The following SLC24A2 variants were observed in gnomAD, a reference collection of about 807,000 sequenced individuals.
SLC24A2 encodes the protein sodium/potassium/calcium exchanger 2.
Under a neutral mutation model 62.0 loss-of-function variants are expected in SLC24A2, and 36 were observed. The observed-to-expected ratio is 0.58, with a 90% confidence interval of 0.44 to 0.77. The LOEUF is 0.77. SLC24A2 is among the 30% of genes least tolerant of loss of function. The pLI, the probability that SLC24A2 is intolerant of heterozygous loss-of-function variation, is 0.00. For missense variants in SLC24A2, 846 were observed against 817.9 expected, an observed-to-expected ratio of 1.03 and a Z score of -0.42; for synonymous variants, 358 against 294.0, an observed-to-expected ratio of 1.22 and a Z score of -2.23.
At chr9:20,017,790 C>G in the SLC24A2 span, among the ~76,000 whole-genome samples, 1 of 152,184 alleles carries the variant, frequency 6.6e-6, no homozygotes, top group Non-Finnish European at 1.5e-5. Flanking sequence ...GACTCAGCAA[C>G]TCTGCTCTTT....
chr9:19,622,515 T>C (rs1397186072), intron 2 of SLC24A2, among the ~76,000 whole-genome samples: 2 of 152,068 alleles, frequency 1.3e-5, no homozygotes, highest in Admixed American at 1.3e-4. Context: ...TCCTGAAAGG[T>C]CAAAGTTGAA....
the SLC24A2 span, among the ~76,000 whole-genome samples, chr9:20,124,487 G>A: frequency 6.6e-5 from 10 of 152,228 alleles, no homozygotes; most frequent in South Asian, 6.2e-4. Context: ...AGTTTCCACC[G>A]TCAAAGCCAA....
chr9:20,279,700 G>A, the SLC24A2 span, among the ~76,000 whole-genome samples: 7 of 152,156 alleles, frequency 4.6e-5, no homozygotes, highest in African/African-American at 1.7e-4. Context: ...CATTCTTACT[G>A]TCTTGTGTAA....
intron 2 of SLC24A2, among the ~76,000 whole-genome samples, chr9:19,706,998 T>C (rs1249555988): frequency 1.3e-5 from 2 of 151,728 alleles, no homozygotes; most frequent in Non-Finnish European, 2.9e-5. Context: ...ACAAAATTGA[T>C]AGACCGCTAG....
At chr9:19,946,270 G>T in the SLC24A2 span, among the ~76,000 whole-genome samples, 3 of 152,056 alleles carry the variant, frequency 2.0e-5, no homozygotes, top group Non-Finnish European at 4.4e-5. Context: ...GCCTGACACG[G>T]GCACATTTTT....
the SLC24A2 span, among the ~76,000 whole-genome samples, chr9:19,837,741 T>A: frequency 3.9e-4 from 59 of 151,996 alleles, no homozygotes; most frequent in African/African-American, 1.4e-3. Context: ...AAAATCAATG[T>A]GCAAAAATCA....
the SLC24A2 span, among the ~76,000 whole-genome samples, chr9:20,115,170 G>A: frequency 2.6e-5 from 4 of 152,062 alleles, no homozygotes; most frequent in South Asian, 2.1e-4. Flanking sequence ...AAGGTGAGGG[G>A]CAGAATTGCA....
chr9:19,816,576 G>T, the SLC24A2 span, among the ~76,000 whole-genome samples: 1 of 152,096 alleles, frequency 6.6e-6, no homozygotes, highest in Non-Finnish European at 1.5e-5. Flanking sequence ...TATAAGAAAA[G>T]AGGTTTAATT....
intron 5 of SLC24A2, among the ~76,000 whole-genome samples, chr9:19,582,164 T>C (rs1041214898): frequency 1.3e-5 from 2 of 152,186 alleles, no homozygotes; most frequent in African/African-American, 4.8e-5. Context: ...AAGAGCTGAA[T>C]GTGAATTTCG....
chr9:20,249,186 T>C, the SLC24A2 span, among the ~76,000 whole-genome samples: 2 of 152,184 alleles, frequency 1.3e-5, no homozygotes, highest in African/African-American at 4.8e-5. Flanking sequence ...ATAACTAACC[T>C]GGTTGCCTCA....
chr9:20,056,693 T>A, the SLC24A2 span, among the ~76,000 whole-genome samples: 1 of 152,204 alleles, frequency 6.6e-6, no homozygotes, highest in African/African-American at 2.4e-5. Flanking sequence ...CAAGGGCATA[T>A]GACCTGATCT....
At chr9:20,064,385 T>C in the SLC24A2 span, among the ~76,000 whole-genome samples, 3 of 152,196 alleles carry the variant, frequency 2.0e-5, no homozygotes, top group African/African-American at 7.2e-5. Flanking sequence ...ATGGAAATGT[T>C]CTAAAATCAG....
At chr9:19,721,909 T>C (rs778785477) in intron 2 of SLC24A2, among the ~76,000 whole-genome samples, 2 of 152,168 alleles carry the variant, frequency 1.3e-5, no homozygotes, top group Non-Finnish European at 2.9e-5. Flanking sequence ...GTTCATTGCT[T>C]TTTTTCAGAT....
chr9:19,991,911 G>A, the SLC24A2 span, among the ~76,000 whole-genome samples: 1 of 152,130 alleles, frequency 6.6e-6, no homozygotes, highest in African/African-American at 2.4e-5. Context: ...AGACCCTAGA[G>A]ACATTTCCCA....
chr9:19,529,081 C>T (rs1833571223), intron 8 of SLC24A2, among the ~76,000 whole-genome samples: 1 of 152,186 alleles, frequency 6.6e-6, no homozygotes, highest in Non-Finnish European at 1.5e-5. Flanking sequence ...TAAAAACACA[C>T]TCAGACAGCA....
chr9:19,883,218 A>C, the SLC24A2 span, among the ~76,000 whole-genome samples: 2 of 152,222 alleles, frequency 1.3e-5, no homozygotes, highest in Non-Finnish European at 2.9e-5. Context: ...TTTCTTAGAT[A>C]TTGCGATGTG....
chr9:19,815,720 G>T, the SLC24A2 span, among the ~76,000 whole-genome samples: 16 of 152,142 alleles, frequency 1.1e-4, no homozygotes, highest in East Asian at 3.1e-3. Context: ...CATATATATG[G>T]TTGTTAAGTT....
chr9:20,187,402 C>CCG, the SLC24A2 span, among the ~76,000 whole-genome samples: 1 of 152,192 alleles, frequency 6.6e-6, no homozygotes, highest in African/African-American at 2.4e-5. Flanking sequence ...TCCTGACCCC[C>CCG]CGTTGCTTAC....
chr9:19,518,125 C>T (rs1833024444), intron 10 of SLC24A2, among the ~76,000 whole-genome samples: 1 of 152,078 alleles, frequency 6.6e-6, no homozygotes, highest in South Asian at 2.1e-4. Context: ...AGAAAATGAT[C>T]ATTTCAGTGT....
Sources: allele counts gnomAD v4.1 joint callset (sites outside exome capture counted in the v4.1 genomes callset), GRCh38; gene constraint gnomAD v4.1.1; transcripts MANE v1.5; gene names NCBI Gene and HGNC (gene_info 2026-07-23, HGNC 2026-07-21).